The following AUTS2 variants were observed in gnomAD, a reference collection of about 807,000 sequenced individuals.
AUTS2 encodes the protein autism susceptibility gene 2 protein.
Under a neutral mutation model 112.4 loss-of-function variants are expected in AUTS2, and 17 were observed. The ratio of observed to expected loss-of-function variants is 0.15; its 90% confidence interval spans 0.10 to 0.23. AUTS2 has a LOEUF of 0.23. AUTS2 is among the 10% of genes least tolerant of loss of function. The pLI, the probability that AUTS2 is intolerant of heterozygous loss-of-function variation, is 1.00. For synonymous variants in AUTS2, 751 were observed against 702.7 expected (o/e 1.07, Z -1.09); for missense variants, 1,510 against 1,701.6 (o/e 0.89, Z 1.98).
chr7:70,153,345 A>G (rs1479930017), intron 4 of AUTS2, among the ~76,000 whole-genome samples: 1 of 152,230 alleles, frequency 6.6e-6, no homozygotes, highest in African/African-American at 2.4e-5. Context: ...TATGGTTCCA[A>G]TTTATATAAA....
At chr7:70,505,643 C>G (rs1404708992) in intron 5 of AUTS2, among the ~76,000 whole-genome samples, 1 of 152,186 alleles carries the variant, frequency 6.6e-6, no homozygotes, top group East Asian at 1.9e-4. Flanking sequence ...ACACAGATTG[C>G]ACGTGGCTCC....
At chr7:69,643,981 A>T (rs1794911015) in intron 1 of AUTS2, among the ~76,000 whole-genome samples, 1 of 152,210 alleles carries the variant, frequency 6.6e-6, no homozygotes, top group African/African-American at 2.4e-5. Context: ...TAAGGTTCAC[A>T]ATTCAATTTA....
chr7:70,611,092 C>T (rs534227028), intron 5 of AUTS2, among the ~76,000 whole-genome samples: 2 of 152,282 alleles, frequency 1.3e-5, no homozygotes, highest in East Asian at 3.9e-4. Flanking sequence ...AGTTTTACAG[C>T]TTCAGGTCTT....
intron 1 of AUTS2, among the ~76,000 whole-genome samples, chr7:69,683,118 G>T (rs1366646925): frequency 6.6e-6 from 1 of 152,218 alleles, no homozygotes; most frequent in African/African-American, 2.4e-5. Flanking sequence ...GCTGGATGAG[G>T]CGGTATCTGA....
At chr7:69,853,131 A>G (rs911729432) in intron 1 of AUTS2, among the ~76,000 whole-genome samples, 14 of 152,196 alleles carry the variant, frequency 9.2e-5, no homozygotes, top group African/African-American at 3.4e-4. Context: ...AGTGTGCTAT[A>G]AATGTCAGTT....
intron 1 of AUTS2, among the ~76,000 whole-genome samples, chr7:69,679,720 GAT>G (rs1477119027): frequency 7.9e-5 from 12 of 152,320 alleles, no homozygotes; most frequent in African/African-American, 2.9e-4. Flanking sequence ...GGGCTTGTAA[GAT>G]ATGTGATTGT....
intron 4 of AUTS2, among the ~76,000 whole-genome samples, chr7:70,406,572 T>C (rs1401570881): frequency 1.3e-5 from 2 of 152,144 alleles, no homozygotes; most frequent in African/African-American, 4.8e-5. Flanking sequence ...AAATGTTTAG[T>C]CTCCCCCATC....
chr7:70,601,730 TTTATGGGTTACAC>T (rs1279464586), intron 5 of AUTS2, among the ~76,000 whole-genome samples: 1 of 152,014 alleles, frequency 6.6e-6, no homozygotes, highest in African/African-American at 2.4e-5. Flanking sequence ...CTAGTATTCT[TTTATGGGTTACAC>T]ACACCTGTAA....
chr7:69,986,593 C>T (rs946265673), intron 2 of AUTS2, among the ~76,000 whole-genome samples: 3 of 152,204 alleles, frequency 2.0e-5, no homozygotes, highest in African/African-American at 7.2e-5. Context: ...TCCTGAGGGT[C>T]TTCAGGCCTT....
chr7:70,647,877 A>G (rs761021199), intron 5 of AUTS2, among the ~76,000 whole-genome samples: 1 of 152,172 alleles, frequency 6.6e-6, no homozygotes, highest in African/African-American at 2.4e-5. Context: ...TAAAGACAGG[A>G]TTGTAGATCT....
chr7:69,692,418 G>A (rs1367784862), intron 1 of AUTS2, among the ~76,000 whole-genome samples: 1 of 152,186 alleles, frequency 6.6e-6, no homozygotes, highest in East Asian at 1.9e-4. Context: ...TGGTACTTAC[G>A]TGTGTGATGA....
intron 5 of AUTS2, among the ~76,000 whole-genome samples, chr7:70,523,729 C>G (rs1338298255): frequency 2.6e-5 from 4 of 152,174 alleles, no homozygotes; most frequent in Admixed American, 2.6e-4. Context: ...AGGACAAGCT[C>G]TAGCCTATAG....
intron 1 of AUTS2, among the ~76,000 whole-genome samples, chr7:69,715,769 A>T (rs1028309388): frequency 6.6e-6 from 1 of 152,242 alleles, no homozygotes; most frequent in African/African-American, 2.4e-5. Context: ...GATTGCTTTC[A>T]TAAGCTAGTG....
At chr7:69,985,927 T>TA (rs1321398328) in intron 2 of AUTS2, among the ~76,000 whole-genome samples, 2 of 152,078 alleles carry the variant, frequency 1.3e-5, no homozygotes, top group East Asian at 1.9e-4. Flanking sequence ...AGCTAATTCT[T>TA]AAAAAAAGTT....
At chr7:70,095,676 A>T (rs1804157479) in intron 2 of AUTS2, among the ~76,000 whole-genome samples, 1 of 152,202 alleles carries the variant, frequency 6.6e-6, no homozygotes, top group South Asian at 2.1e-4. Context: ...AAATAATAAT[A>T]CAGTTATACA....
intron 16 of AUTS2, among the ~76,000 whole-genome samples, chr7:70,785,223 G>A (rs987013399): frequency 2.0e-5 from 3 of 152,196 alleles, no homozygotes; most frequent in Non-Finnish European, 4.4e-5. Context: ...GCATTCTTTC[G>A]GTAGTAGAGC....
intron 4 of AUTS2, among the ~76,000 whole-genome samples, chr7:70,369,280 C>T (rs1470433381): frequency 6.6e-6 from 1 of 152,302 alleles, no homozygotes; most frequent in Non-Finnish European, 1.5e-5. Flanking sequence ...AGCACTTTGG[C>T]ACTAGGTGTA....
chr7:70,090,366 AT>A lies in AUTS2; in HGVS notation c.523-27754del, dbSNP rs537366402. Among the ~76,000 whole-genome samples the A allele has an allele frequency of 3.6e-3, 527 of 148,178 alleles. 3 individuals are homozygous for A. Among genetic ancestry groups the A allele is most frequent in the Admixed American group, 7.0e-3 (103 of 14,806 alleles). ...CTTTGAAGAAACTTACATAATATAA[AT>A]TTTTTTTTTTTCTTGAGACGAAGTC... On this transcript the variant is annotated intron_variant, in intron 2 of 18. Coordinates refer to ENST00000342771, the MANE Select transcript of AUTS2 (RefSeq NM_015570.4).
intron 5 of AUTS2, among the ~76,000 whole-genome samples, chr7:70,660,314 C>G (rs1468268671): frequency 6.6e-6 from 1 of 152,160 alleles, no homozygotes; most frequent in Admixed American, 6.5e-5. Flanking sequence ...TGATGTCTTT[C>G]TCTAAACAGA....
Sources: gnomAD v4.1 joint callset for allele counts (sites outside exome capture counted in the v4.1 genomes callset) on GRCh38, gnomAD v4.1.1 for gene constraint, MANE v1.5 for transcripts, NCBI Gene and HGNC (gene_info 2026-07-23, HGNC 2026-07-21) for gene names.